PCDH15: variants seen among roughly 807,000 people sequenced by gnomAD.
PCDH15 encodes protocadherin related 15, also known as protocadherin-15.
In PCDH15, 129 loss-of-function variants were observed where a neutral mutation model predicts 178.5. The observed-to-expected ratio is 0.72, with a 90% CI of 0.63 to 0.84. PCDH15 has a LOEUF of 0.84. PCDH15 is among the 40% of genes least tolerant of loss of function. The pLI is 0.00. For synonymous variants in PCDH15, 800 were observed against 732.0 expected (o/e 1.09, Z -1.50); for missense variants, 2,230 against 2,099.9 (o/e 1.06, Z -1.21).
chr10:55,472,438 T>TTCTTCAGA (rs2132108378), intron 2 of PCDH15, among the ~76,000 whole-genome samples: 1 of 150,950 alleles, frequency 6.6e-6, no homozygotes, highest in African/African-American at 2.4e-5. Flanking sequence ...TGGAAGAGAG[T>TTCTTCAGA]TCTTCAGAAT....
upstream of PCDH15, among the ~76,000 whole-genome samples, chr10:55,320,651 C>CA (rs61117311): frequency 7.4e-3 from 1,125 of 152,262 alleles, 11 homozygotes; most frequent in South Asian, 0.012. Flanking sequence ...CCACCCCCCC[C>CA]AGAATTAGAG....
chr10:53,982,676 G>C (rs548880926), intron 21 of PCDH15, among the ~76,000 whole-genome samples: 1 of 117,730 alleles, frequency 8.5e-6, no homozygotes, highest in Non-Finnish European at 1.7e-5. Context: ...GTTGTGGGGT[G>C]GGGGGAGGGG....
intron 1 of PCDH15, among the ~76,000 whole-genome samples, chr10:54,668,074 C>A (rs566097135): frequency 1.3e-5 from 2 of 152,062 alleles, no homozygotes; most frequent in East Asian, 1.9e-4. Context: ...GTATTTCCTG[C>A]AAGATAAATC....
At position 54,625,019 on chromosome 10, in the gene PCDH15, A is replaced by AC. The variant is rs367892786; in HGVS notation, c.91+39152dup. ...TGAATTGTCCTAAAATCATCCCCCC[A>AC]CCCCACTGGGTCCGTAGAAAAATTG... On this transcript the variant is annotated intron_variant, in intron 2 of 37. Coordinates refer to ENST00000644397, the MANE Select transcript of PCDH15 (RefSeq NM_001384140.1). 5.9e-3 allele frequency among the ~76,000 whole-genome samples: 890 copies of AC among 152,098 alleles called. 14 individuals carry two copies. The highest frequency in any genetic ancestry group is 0.02 in the African/African-American group (842 of 41,490).
At chr10:55,340,587 T>C (rs1007099786) in intron 2 of PCDH15, among the ~76,000 whole-genome samples, 3 of 152,062 alleles carry the variant, frequency 2.0e-5, no homozygotes, top group African/African-American at 7.2e-5. Context: ...AATATATTCG[T>C]GTACAACAAA....
chr10:55,182,604 A>G (rs1226266842), intron 1 of PCDH15, among the ~76,000 whole-genome samples: 1 of 152,022 alleles, frequency 6.6e-6, no homozygotes, highest in African/African-American at 2.4e-5. Context: ...TGGTATATGC[A>G]AATTACCTAG....
chr10:54,341,130 A>C (rs1942141877), intron 6 of PCDH15, among the ~76,000 whole-genome samples: 2 of 152,222 alleles, frequency 1.3e-5, no homozygotes, highest in South Asian at 4.2e-4. Context: ...CGATCAGCTG[A>C]CATTCCTGGG....
intron 1 of PCDH15, among the ~76,000 whole-genome samples, chr10:55,231,577 C>G (rs1349301666): frequency 6.6e-6 from 1 of 151,792 alleles, no homozygotes; most frequent in African/African-American, 2.4e-5. Flanking sequence ...ATGTTGATTC[C>G]AGAAATTAGC....
At chr10:54,492,298 G>A (rs866314509) in intron 3 of PCDH15, among the ~76,000 whole-genome samples, 1 of 152,150 alleles carries the variant, frequency 6.6e-6, no homozygotes, top group East Asian at 1.9e-4. Flanking sequence ...AGACATTCAA[G>A]AGTCAAAGAC....
chr10:55,454,124 A>C (rs1359276089), intron 2 of PCDH15, among the ~76,000 whole-genome samples: 1 of 152,046 alleles, frequency 6.6e-6, no homozygotes. Flanking sequence ...ATTTATAAGA[A>C]TGTGTCTCAT....
At chr10:54,276,278 A>T (rs2058348253) in intron 8 of PCDH15, among the ~76,000 whole-genome samples, 1 of 151,772 alleles carries the variant, frequency 6.6e-6, no homozygotes, top group Non-Finnish European at 1.5e-5. Flanking sequence ...AGAATAAATA[A>T]GAAAGCAATA....
intron 2 of PCDH15, among the ~76,000 whole-genome samples, chr10:55,436,804 T>C (rs1839050759): frequency 6.6e-6 from 1 of 152,206 alleles, no homozygotes; most frequent in African/African-American, 2.4e-5. Context: ...TTGGTAACTA[T>C]GAAGATAGGT....
At chr10:54,944,151 A>AT (rs1296456366) in intron 2 of PCDH15, among the ~76,000 whole-genome samples, 1 of 151,928 alleles carries the variant, frequency 6.6e-6, no homozygotes, top group Non-Finnish European at 1.5e-5. Context: ...TTTGAAACTC[A>AT]TTTTTTAGAA....
chr10:54,956,907 C>G (rs778529643), intron 2 of PCDH15, among the ~76,000 whole-genome samples: 1 of 151,402 alleles, frequency 6.6e-6, no homozygotes, highest in Non-Finnish European at 1.5e-5. Context: ...GGAATATGCT[C>G]GAAATCAAAC....
chr10:55,110,208 G>T lies in PCDH15; in HGVS notation c.-80+56368C>A, dbSNP rs559340080. 2.0e-5 allele frequency among the ~76,000 whole-genome samples: 3 copies of T among 151,978 alleles called. No individual in the cohort carries two copies. The South Asian group carries it at 6.2e-4, about 32-fold the overall frequency. ...TGTATATGTTTTGTGTCCTTGCTCT[G>T]CCCTCTTCCATGTTATATCAGGTAA... On this transcript the variant is annotated intron_variant, in intron 2 of 5. Coordinates refer to the PCDH15 transcript ENST00000458638.
chr10:53,820,402 T>A (rs1298122901), intron 32 of PCDH15, among the ~76,000 whole-genome samples, 172 bp from the exon 33 acceptor site: 2 of 151,996 alleles, frequency 1.3e-5, no homozygotes, highest in Non-Finnish European at 2.9e-5. Flanking sequence ...GTCAAATTAT[T>A]GAAGAAATAT....
intron 1 of PCDH15, among the ~76,000 whole-genome samples, chr10:54,749,534 C>T (rs971072354): frequency 1.6e-4 from 25 of 152,138 alleles, no homozygotes; most frequent in African/African-American, 4.8e-4. Context: ...TTTACTCATT[C>T]GAATGGCTAT....
intron 1 of PCDH15, among the ~76,000 whole-genome samples, chr10:54,731,903 T>C (rs1943454573): frequency 6.6e-6 from 1 of 151,078 alleles, no homozygotes; most frequent in African/African-American, 2.4e-5. Context: ...AGGGTGATTA[T>C]AGTTTGCAAT....
intron 1 of PCDH15, among the ~76,000 whole-genome samples, chr10:54,725,720 C>A (rs947313750): frequency 2.8e-4 from 43 of 150,998 alleles, no homozygotes; most frequent in Middle Eastern, 3.2e-3. Flanking sequence ...TTTTAAAGCA[C>A]AAAATGAGCA....
Sources: gnomAD v4.1 joint callset for allele counts (sites outside exome capture counted in the v4.1 genomes callset) on GRCh38, gnomAD v4.1.1 for gene constraint, MANE v1.5 for transcripts, NCBI Gene and HGNC (gene_info 2026-07-23, HGNC 2026-07-21) for gene names.